IQSEC1: variants seen among roughly 807,000 people sequenced by gnomAD.
The protein encoded by IQSEC1 is IQ motif and SEC7 domain-containing protein 1.
In IQSEC1, 31 loss-of-function variants were observed where a neutral mutation model predicts 91.0. That is an observed-to-expected ratio of 0.34 (90% CI 0.26 to 0.46). The LOEUF is 0.46. Ranked by LOEUF, IQSEC1 falls within the 20% of genes least tolerant of loss-of-function variation. The probability of loss-of-function intolerance (pLI) is 1.00; values close to 1 mark genes in which losing one functional copy is unlikely to be tolerated. For synonymous variants in IQSEC1, 699 were observed against 662.6 expected (o/e 1.05, Z -0.84); for missense variants, 1,388 against 1,575.6 (o/e 0.88, Z 2.02).
intron 1 of IQSEC1, among the ~76,000 whole-genome samples, chr3:13,187,765 G>A (rs1439548396): frequency 6.6e-6 from 1 of 152,206 alleles, no homozygotes; most frequent in Non-Finnish European, 1.5e-5. Context: ...CACAGTTCTG[G>A]GGGCTGGGAA....
At chr3:13,156,187 G>A (rs1307974871) in intron 2 of IQSEC1, among the ~76,000 whole-genome samples, 1 of 151,914 alleles carries the variant, frequency 6.6e-6, no homozygotes. Context: ...AGCTGAAACT[G>A]CACTGCTGCA....
chr3:13,244,999 T>C (rs905684910), intron 1 of IQSEC1, among the ~76,000 whole-genome samples: 3 of 152,194 alleles, frequency 2.0e-5, no homozygotes, highest in African/African-American at 7.2e-5. Flanking sequence ...ACTGTGTATC[T>C]GCTAGCTAGG....
rs1220070881 is a variant in IQSEC1, at chr3:12,901,436, G to T, written c.2892C>A (p.Asn964Lys). ...ATAAGGAGCCCAGGAGGGAAGATGA[G>T]TTGGGCATAGTCTGGTGTGGGCGAG... ...CPSRPHQTMP[N>K]SSSLLGSLFG... The change falls in exon 14 of 14, where the codon AAC becomes AAA. Residue 964 changes from asparagine (N) to lysine (K), a missense_variant. Asn to Lys is a moderately conservative substitution (Grantham distance 94). This residue lies in a region of IQSEC1 where 329 missense variants were observed against 257.8 expected (regional missense o/e 1.28). Transcript: ENST00000613206. 6.5e-7 allele frequency: 1 copy of T among 1,548,016 alleles called. No individual in the cohort carries two copies. The highest frequency in any genetic ancestry group is 2.0e-5 in the Admixed American group (1 of 50,972).
intron 1 of IQSEC1, among the ~76,000 whole-genome samples, chr3:13,009,562 A>G (rs548937789): frequency 1.3e-5 from 2 of 151,774 alleles, no homozygotes; most frequent in South Asian, 4.2e-4. Flanking sequence ...GCCCAAGTAT[A>G]ACTCCAACTT....
In IQSEC1 at chr3:13,054,205, GTC is replaced by G. The variant is rs1167728602; in HGVS notation, c.23+18785_23+18786del. On this transcript the variant is annotated intron_variant, in intron 1 of 13. Transcript: ENST00000613206. ...AATAGGGTTTCTATGCACAGCCACA[GTC>G]TCTCCTTTAGGACCAATTCCCGGCA... Among the ~76,000 whole-genome samples, 5 of 152,202 alleles carry G rather than the reference GTC, an allele frequency of 3.3e-5. No homozygotes were observed. In the East Asian group the frequency reaches 9.6e-4, roughly 29 times the overall value.
chr3:13,249,168 T>TC (rs1491181155), intron 1 of IQSEC1, among the ~76,000 whole-genome samples: 3 of 89,884 alleles, frequency 3.3e-5, no homozygotes, highest in East Asian at 3.0e-4. Context: ...AAGGAATTTC[T>TC]TTTTTTTTTT....
chr3:13,281,933 G>C (rs985130701), intron 1 of IQSEC1, among the ~76,000 whole-genome samples: 1 of 152,196 alleles, frequency 6.6e-6, no homozygotes, highest in African/African-American at 2.4e-5. Flanking sequence ...TCCTGCCCCA[G>C]ATGGGCGCCC....
chr3:13,089,967 G>A (rs1705808795), intron 2 of IQSEC1, among the ~76,000 whole-genome samples: 1 of 152,326 alleles, frequency 6.6e-6, no homozygotes, highest in African/African-American at 2.4e-5. Flanking sequence ...TGTAATCCCA[G>A]CACTTTGGGA....
Position 12,900,266 on chromosome 3 carries a change from G to C in IQSEC1, c.*717C>G, listed in dbSNP as rs1372273564. Reference sequence around the variant, plus strand: ...TGTAAAGATTTTAGCCAGTCCTAGAGGGACTTCTTTGTATGAAAATATGAA... The same window carrying C: ...TGTAAAGATTTTAGCCAGTCCTAGACGGACTTCTTTGTATGAAAATATGAA... On this transcript the variant is annotated 3_prime_UTR_variant, in exon 14 of 14. Transcript: ENST00000613206. 1 of 984,898 alleles carries C rather than the reference G, an allele frequency of 1.0e-6. No individual in the cohort carries two copies. The highest frequency in any genetic ancestry group is 1.2e-6 in the Non-Finnish European group (1 of 829,670). 61.0% of individuals were successfully genotyped at this position (984,898 alleles called of 1,614,324 possible).
chr3:13,264,168 T>C (rs1695443076), intron 1 of IQSEC1, among the ~76,000 whole-genome samples: 1 of 152,196 alleles, frequency 6.6e-6, no homozygotes, highest in Admixed American at 6.5e-5. Context: ...GAGTGGCTGC[T>C]CCACCAAGCA....
At chr3:12,932,079 C>T (rs1275662393) in intron 3 of IQSEC1, among the ~76,000 whole-genome samples, 1 of 152,206 alleles carries the variant, frequency 6.6e-6, no homozygotes, top group East Asian at 1.9e-4. Flanking sequence ...CACCTGGGCT[C>T]ATTCCAGGGA....
chr3:13,223,082 T>C (rs1056610651), intron 1 of IQSEC1, among the ~76,000 whole-genome samples: 1 of 152,174 alleles, frequency 6.6e-6, no homozygotes. Flanking sequence ...TTGGGCAGGG[T>C]TGGGGGAGGT....
intron 6 of IQSEC1, among the ~76,000 whole-genome samples, chr3:12,919,694 C>T (rs914962020): frequency 3.3e-5 from 5 of 152,244 alleles, no homozygotes; most frequent in Non-Finnish European, 7.3e-5. Context: ...GTTTTCAACC[C>T]ACCCTCAGCT....
intron 1 of IQSEC1, among the ~76,000 whole-genome samples, chr3:13,043,873 C>T (rs146933505): frequency 2.7e-3 from 411 of 152,346 alleles, no homozygotes; most frequent in Admixed American, 6.5e-3. Context: ...TCCATTCAGA[C>T]GAGGAGGTCT....
At chr3:13,006,806 ACTCTAC>A (rs1702655595) in intron 1 of IQSEC1, among the ~76,000 whole-genome samples, 1 of 152,042 alleles carries the variant, frequency 6.6e-6, no homozygotes, top group Non-Finnish European at 1.5e-5. Context: ...CCGCTGGGGA[ACTCTAC>A]CTTTTAAACA....
At chr3:13,274,270 G>A (rs1695638102) in intron 1 of IQSEC1, among the ~76,000 whole-genome samples, 1 of 152,180 alleles carries the variant, frequency 6.6e-6, no homozygotes, top group South Asian at 2.1e-4. Context: ...CCTGAGCGCT[G>A]AGGCCATCCA....
At chr3:13,261,445 A>G (rs1695384727) in intron 1 of IQSEC1, among the ~76,000 whole-genome samples, 1 of 152,096 alleles carries the variant, frequency 6.6e-6, no homozygotes, top group Admixed American at 6.5e-5. Flanking sequence ...AGCCCCTCGA[A>G]TGAGTGCTGT....
intron 4 of IQSEC1, among the ~76,000 whole-genome samples, chr3:12,923,943 G>A (rs191418708): frequency 5.0e-4 from 76 of 152,338 alleles, no homozygotes; most frequent in African/African-American, 1.6e-3. Flanking sequence ...TCAAGTAGCC[G>A]GGAGTGCTAT....
chr3:13,032,585 A>ATT (rs138670438), intron 1 of IQSEC1, among the ~76,000 whole-genome samples: 5 of 145,320 alleles, frequency 3.4e-5, no homozygotes, highest in African/African-American at 7.7e-5. Context: ...AGCTTTAAAC[A>ATT]TTTTTTTTTT....
Sources: allele counts gnomAD v4.1 joint callset (sites outside exome capture counted in the v4.1 genomes callset), GRCh38; gene constraint gnomAD v4.1.1; regional missense constraint gnomAD v4.1.1; transcripts MANE v1.5; gene names NCBI Gene and HGNC (gene_info 2026-07-23, HGNC 2026-07-21).